The following USH2A variants were observed in gnomAD, a reference collection of about 807,000 sequenced individuals.
USH2A encodes Usher syndrome 2A (autosomal recessive, mild).
USH2A carries 443 observed loss-of-function variants against 538.9 expected under a neutral mutation model. The ratio of observed to expected loss-of-function variants is 0.82; its 90% CI spans 0.76 to 0.89. The LOEUF (loss-of-function observed/expected upper bound fraction) is 0.89, where lower values mean the gene tolerates loss of function less well. USH2A is among the 40% of genes least tolerant of loss of function. The pLI, the probability that USH2A is intolerant of heterozygous loss-of-function variation, is 0.00. For synonymous variants in USH2A, 2,413 were observed against 2,273.5 expected, an observed-to-expected ratio of 1.06 and a Z score of -1.75; for missense variants, 6,633 against 6,324.8, an observed-to-expected ratio of 1.05 and a Z score of -1.65.
At chr1:216,114,288 A>G (rs1344191500) in intron 21 of USH2A, among the ~76,000 whole-genome samples, 1 of 151,220 alleles carries the variant, frequency 6.6e-6, no homozygotes, top group Non-Finnish European at 1.5e-5. Context: ...TTTAGGTATA[A>G]ACTTATTTTC....
chr1:216,224,848 C>A (rs2035529529), intron 14 of USH2A, among the ~76,000 whole-genome samples: 1 of 152,032 alleles, frequency 6.6e-6, no homozygotes, highest in Admixed American at 6.5e-5. Context: ...ATACTTGTAT[C>A]TTCCCCTTTC....
At chr1:216,169,397 G>A (rs1431294541) in intron 21 of USH2A, among the ~76,000 whole-genome samples, 1 of 152,096 alleles carries the variant, frequency 6.6e-6, no homozygotes, top group Admixed American at 6.6e-5. Context: ...AAAGGCAAGG[G>A]TTAAAACACA....
intron 11 of USH2A, among the ~76,000 whole-genome samples, chr1:216,257,683 T>C (rs890514810): frequency 6.6e-6 from 1 of 152,026 alleles, no homozygotes; most frequent in African/African-American, 2.4e-5. Flanking sequence ...ATTACACATA[T>C]ACCAAGCCTC....
At chr1:215,753,270 T>A (rs1025075835) in intron 58 of USH2A, among the ~76,000 whole-genome samples, 53 of 152,126 alleles carry the variant, frequency 3.5e-4, no homozygotes, top group African/African-American at 1.3e-3. Flanking sequence ...TCAGGGATCT[T>A]GAACTAGAAA....
intron 37 of USH2A, among the ~76,000 whole-genome samples, chr1:215,953,924 A>G (rs1485749054): frequency 1.3e-5 from 2 of 152,186 alleles, no homozygotes; most frequent in Admixed American, 6.5e-5. Flanking sequence ...GACACTTCTC[A>G]AAAGAAGACA....
intron 4 of USH2A, among the ~76,000 whole-genome samples, chr1:216,334,757 A>T (rs1449217068): frequency 6.6e-6 from 1 of 151,952 alleles, no homozygotes; most frequent in Non-Finnish European, 1.5e-5. Context: ...TCAATCCATC[A>T]GGAAAATAAA....
chr1:216,400,726 T>G (rs1342335105), intron 3 of USH2A, among the ~76,000 whole-genome samples: 1 of 152,066 alleles, frequency 6.6e-6, no homozygotes, highest in African/African-American at 2.4e-5. Flanking sequence ...TAAATACCAG[T>G]TCAAATGACA....
chr1:215,636,443 A>C (rs1656495059), intron 69 of USH2A, among the ~76,000 whole-genome samples: 1 of 152,218 alleles, frequency 6.6e-6, no homozygotes, highest in Non-Finnish European at 1.5e-5. Context: ...TTGAGTCAAC[A>C]CTCCAATCAA....
At chr1:216,021,903 G>C (rs1243302868) in intron 32 of USH2A, among the ~76,000 whole-genome samples, 4 of 152,114 alleles carry the variant, frequency 2.6e-5, no homozygotes, top group Non-Finnish European at 1.5e-5. Context: ...GAGCCTTTTA[G>C]GAGGTGTTTG....
chr1:215,969,531 T>G (rs1667439317), intron 36 of USH2A, among the ~76,000 whole-genome samples: 1 of 152,044 alleles, frequency 6.6e-6, no homozygotes, highest in African/African-American at 2.4e-5. Context: ...ATGTGACGTG[T>G]TCTTTTGTTT....
At chr1:215,841,919 C>T (rs11120664) in intron 46 of USH2A, among the ~76,000 whole-genome samples, 59,961 of 151,806 alleles carry the variant, frequency 0.39, 12,222 homozygotes, top group Admixed American at 0.52. Context: ...AGAATTTATG[C>T]GGCCAACAAA....
At chr1:216,080,966 T>C (rs1225428627) in intron 26 of USH2A, among the ~76,000 whole-genome samples, 1 of 151,946 alleles carries the variant, frequency 6.6e-6, no homozygotes, top group Non-Finnish European at 1.5e-5. Context: ...GATCCTAAGA[T>C]TATTTTTCTT....
chr1:216,118,063 A>T (rs2033051246), intron 21 of USH2A, among the ~76,000 whole-genome samples: 1 of 152,120 alleles, frequency 6.6e-6, no homozygotes, highest in African/African-American at 2.4e-5. Flanking sequence ...TAGCTTCTGC[A>T]CTTAATTTAT....
rs559700158 is a variant in USH2A at position 216,258,638 on chromosome 1, T to G, written c.1972-7540A>C. ...TCCCTAAGTCGTGGTCTAGAAATACTCTGTAAGCAGTAATCCGGGTCAATT... is the reference window on the plus strand; with the variant it reads ...TCCCTAAGTCGTGGTCTAGAAATACGCTGTAAGCAGTAATCCGGGTCAATT... On this transcript the variant is annotated intron_variant, in intron 11 of 71. Transcript: ENST00000307340. Among the ~76,000 whole-genome samples, 9 of 152,220 alleles carry G rather than the reference T, an allele frequency of 5.9e-5. No homozygotes were observed. The East Asian group carries it at 1.5e-3, about 26-fold the overall frequency.
In USH2A at chr1:216,105,029, C is replaced by G. The variant is rs149295789; in HGVS notation, c.4628-7816G>C. 5.6e-3 allele frequency among the ~76,000 whole-genome samples: 849 copies of G among 152,232 alleles called. 12 individuals are homozygous for G. Among genetic ancestry groups the G allele is most frequent in the African/African-American group, 0.019 (806 of 41,534 alleles). On this transcript the variant is annotated intron_variant, in intron 21 of 71. Coordinates refer to ENST00000307340, the MANE Select transcript of USH2A (RefSeq NM_206933.4). ...TGAACACATACTTCTCAAAAGAAGACATTTATGCAGCCAACAGACACATGA... is the reference window on the plus strand; with the variant it reads ...TGAACACATACTTCTCAAAAGAAGAGATTTATGCAGCCAACAGACACATGA...
chr1:215,731,462 A>G (rs1041678640), intron 60 of USH2A, among the ~76,000 whole-genome samples: 2 of 152,182 alleles, frequency 1.3e-5, no homozygotes, highest in African/African-American at 4.8e-5. Flanking sequence ...TTTCCTCCTG[A>G]GTAGCCTGTG....
intron 32 of USH2A, among the ~76,000 whole-genome samples, chr1:216,011,474 T>A (rs1391254084): frequency 6.6e-6 from 1 of 152,186 alleles, no homozygotes; most frequent in Non-Finnish European, 1.5e-5. Context: ...GCTGATCGTG[T>A]CTGATTAATC....
At chr1:215,765,427 C>T (rs966901956) in intron 56 of USH2A, among the ~76,000 whole-genome samples, 3 of 151,938 alleles carry the variant, frequency 2.0e-5, no homozygotes, top group Non-Finnish European at 4.4e-5. Flanking sequence ...TCTAATATTC[C>T]GAGGTACAAC....
chr1:215,836,916 C>T (rs1663549358), intron 47 of USH2A, among the ~76,000 whole-genome samples: 1 of 151,490 alleles, frequency 6.6e-6, no homozygotes, highest in Admixed American at 6.6e-5. Flanking sequence ...TCTCTAACGC[C>T]CATTTAATAT....
Sources: gnomAD v4.1 joint callset for allele counts (sites outside exome capture counted in the v4.1 genomes callset) on GRCh38, gnomAD v4.1.1 for gene constraint, MANE v1.5 for transcripts, NCBI Gene and HGNC (gene_info 2026-07-23, HGNC 2026-07-21) for gene names.